The following TBC1D5 variants were observed in gnomAD, a reference collection of about 807,000 sequenced individuals.
The protein encoded by TBC1D5 is TBC1 domain family, member 5.
TBC1D5 carries 75 observed loss-of-function variants against 100.3 expected under a neutral mutation model. The ratio of observed to expected loss-of-function variants is 0.75; its 90% CI spans 0.62 to 0.91. TBC1D5 has a LOEUF of 0.91. Ranked by LOEUF, TBC1D5 falls within the 40% of genes least tolerant of loss-of-function variation. The pLI is 0.00. For synonymous variants in TBC1D5, 323 were observed against 325.6 expected, an observed-to-expected ratio of 0.99 and a Z score of 0.09; for missense variants, 910 against 942.4, an observed-to-expected ratio of 0.97 and a Z score of 0.45.
rs765142268 is a variant in TBC1D5, at chr3:17,161,093, C to G, written c.2258G>C (p.Cys753Ser). The change falls in exon 22 of 22, where the codon TGC becomes TCC. Residue 753 changes from cysteine to serine, a missense_variant. By Grantham distance (112) the Cys-to-Ser change is moderately radical. Transcript: ENST00000253692. ...TGGATCTGAGAACACCAGTGGGGAGCAGACTGGGGCCTGGCTTTTCCCAGA... is the reference window on the plus strand; with the variant it reads ...TGGATCTGAGAACACCAGTGGGGAGGAGACTGGGGCCTGGCTTTTCCCAGA... 3.1e-6 allele frequency: 5 copies of G among 1,614,098 alleles called. No individual in the cohort carries two copies. The Admixed American group carries it at 8.3e-5, about 27-fold the overall frequency.
At chr3:17,161,720 GATGAT>G (rs2066076922) in intron 21 of TBC1D5, among the ~76,000 whole-genome samples, 1 of 152,258 alleles carries the variant, frequency 6.6e-6, no homozygotes, top group Non-Finnish European at 1.5e-5. Flanking sequence ...GATATAGTGA[GATGAT>G]ATGTGCAGCT....
intron 2 of TBC1D5, among the ~76,000 whole-genome samples, chr3:17,611,377 G>C (rs746158058): frequency 6.6e-6 from 1 of 152,090 alleles, no homozygotes; most frequent in Non-Finnish European, 1.5e-5. Context: ...AGAACAAATA[G>C]AGTTTAAAAG....
intron 18 of TBC1D5, among the ~76,000 whole-genome samples, chr3:17,202,893 G>C (rs1267370827): frequency 6.6e-6 from 1 of 152,246 alleles, no homozygotes; most frequent in African/African-American, 2.4e-5. Flanking sequence ...CCCTCATGGA[G>C]AACCTCTACT....
chr3:17,470,288 A>C (rs903914428), intron 3 of TBC1D5, among the ~76,000 whole-genome samples: 3 of 152,264 alleles, frequency 2.0e-5, no homozygotes, highest in African/African-American at 4.8e-5. Context: ...AAATAGGTAC[A>C]TTGGGTAATG....
At chr3:17,495,564 A>C (rs1255358427) in intron 3 of TBC1D5, among the ~76,000 whole-genome samples, 1 of 152,198 alleles carries the variant, frequency 6.6e-6, no homozygotes, top group Non-Finnish European at 1.5e-5. Context: ...TGCTTACTCT[A>C]CATATAAAGA....
chr3:17,642,185 C>T (rs1164500917), intron 1 of TBC1D5, among the ~76,000 whole-genome samples: 1 of 151,976 alleles, frequency 6.6e-6, no homozygotes, highest in African/African-American at 2.4e-5. Context: ...AAGGTATTTT[C>T]TCATTTAATC....
chr3:17,370,370 C>A (rs1354331809), intron 13 of TBC1D5, among the ~76,000 whole-genome samples: 1 of 152,126 alleles, frequency 6.6e-6, no homozygotes, highest in African/African-American at 2.4e-5. Flanking sequence ...TTTGGATATA[C>A]CAATTATTTG....
chr3:17,242,875 A>T (rs2149126948), intron 16 of TBC1D5, among the ~76,000 whole-genome samples: 1 of 152,292 alleles, frequency 6.6e-6, no homozygotes, highest in African/African-American at 2.4e-5. Context: ...AATATCTTTT[A>T]TTACAAGTAG....
chr3:17,331,195 G>A (rs1346315566), intron 13 of TBC1D5, among the ~76,000 whole-genome samples: 1 of 152,114 alleles, frequency 6.6e-6, no homozygotes, highest in East Asian at 1.9e-4. Context: ...GAGATGGTAA[G>A]GCTCTTCCTG....
chr3:17,531,577 T>C (rs1278281843), intron 2 of TBC1D5, among the ~76,000 whole-genome samples: 1 of 152,160 alleles, frequency 6.6e-6, no homozygotes, highest in Non-Finnish European at 1.5e-5. Flanking sequence ...CTACCTGACT[T>C]CAAACTATAC....
At chr3:17,692,783 A>C (rs1363691895) in intron 1 of TBC1D5, among the ~76,000 whole-genome samples, 1 of 152,334 alleles carries the variant, frequency 6.6e-6, no homozygotes, top group South Asian at 2.1e-4. Context: ...TGAAGATCAC[A>C]GGTTGAGTAC....
intron 1 of TBC1D5, among the ~76,000 whole-genome samples, chr3:17,732,481 G>A (rs1183253020): frequency 6.6e-6 from 1 of 152,072 alleles, no homozygotes; most frequent in African/African-American, 2.4e-5. Flanking sequence ...CACTTTGGGA[G>A]GCCAAGGCGG....
chr3:17,478,656 C>G (rs1433068548), intron 3 of TBC1D5, among the ~76,000 whole-genome samples: 1 of 152,118 alleles, frequency 6.6e-6, no homozygotes, highest in African/African-American at 2.4e-5. Flanking sequence ...ATTTTGCTAC[C>G]TCTAGCTGGC....
intron 8 of TBC1D5, among the ~76,000 whole-genome samples, chr3:17,387,169 G>C (rs1559776814): frequency 6.6e-6 from 1 of 152,094 alleles, no homozygotes; most frequent in Non-Finnish European, 1.5e-5. Flanking sequence ...AAGAAGTAAA[G>C]TTTTCAAAAC....
At chr3:17,160,764 A>G (rs2065954016) in exon 22 of TBC1D5, 1 of 665,158 alleles carries the variant, frequency 1.5e-6, no homozygotes, top group Non-Finnish European at 2.4e-6. Flanking sequence ...CCCTGTCTGC[A>G]TGTGGCAAAC....
intron 14 of TBC1D5, among the ~76,000 whole-genome samples, chr3:17,303,198 G>C (rs2083036203): frequency 6.6e-6 from 1 of 152,194 alleles, no homozygotes; most frequent in Non-Finnish European, 1.5e-5. Context: ...TGCTGCCTCT[G>C]CAACCTCCAG....
At chr3:17,305,447 A>G (rs2083303357) in intron 14 of TBC1D5, among the ~76,000 whole-genome samples, 2 of 152,312 alleles carry the variant, frequency 1.3e-5, no homozygotes, top group African/African-American at 4.8e-5. Flanking sequence ...GTAAACCAAG[A>G]CTATCCCAAA....
At chr3:17,729,738 C>T (rs9754657) in intron 1 of TBC1D5, among the ~76,000 whole-genome samples, 7,495 of 152,042 alleles carry the variant, frequency 0.049, 592 homozygotes, top group African/African-American at 0.17. Flanking sequence ...AGGAAACCAT[C>T]TGAATAATTA....
intron 13 of TBC1D5, among the ~76,000 whole-genome samples, chr3:17,359,777 C>A (rs530668957): frequency 6.6e-6 from 1 of 151,830 alleles, no homozygotes; most frequent in African/African-American, 2.4e-5. Context: ...TACCATATGG[C>A]AATAGAAAAG....
Sources: gnomAD v4.1 joint callset for allele counts (sites outside exome capture counted in the v4.1 genomes callset) on GRCh38, gnomAD v4.1.1 for gene constraint, MANE v1.5 for transcripts, NCBI Gene and HGNC (gene_info 2026-07-23, HGNC 2026-07-21) for gene names.